RNF138: variants seen among roughly 807,000 people sequenced by gnomAD.
RNF138 encodes ring finger protein 138.
Under a neutral mutation model 31.0 loss-of-function variants are expected in RNF138, and 12 were observed. That is an observed-to-expected ratio of 0.39 (90% CI 0.25 to 0.63). RNF138 has a LOEUF of 0.63. Among genes scored for constraint, RNF138 ranks in the 20% least tolerant of loss-of-function variants. The pLI is 0.52. For synonymous variants in RNF138, 105 were observed against 99.5 expected (o/e 1.06, Z -0.33); for missense variants, 192 against 300.1 (o/e 0.64, Z 2.66).
chr18:32,111,999 G>GTT lies in RNF138; in HGVS notation c.276+93_276+94dup, dbSNP rs368828041. On this transcript the variant is annotated intron_variant, in intron 3 of 7. Transcript: ENST00000261593. ...TCTTATTTGAATTTTCTTGGTTGGT[G>GTT]TTTTTTTTTTTTTTGAAAAGATGAA... 5.0e-3 allele frequency: 4,321 copies of GTT among 866,420 alleles called. 19 individuals carry two copies. The highest frequency in any genetic ancestry group is 0.026 in the African/African-American group (1,403 of 53,846). The allele number at this position is 866,420 out of a possible 1,614,324, so 53.7% of individuals were successfully genotyped here.
chr18:32,119,832 C>T (rs2040275427), intron 4 of RNF138, among the ~76,000 whole-genome samples: 1 of 152,084 alleles, frequency 6.6e-6, no homozygotes, highest in African/African-American at 2.4e-5. Flanking sequence ...TAAAAATGAG[C>T]CCCCTTTTTT....
chr18:32,124,743 T>G lies in RNF138; in HGVS notation c.459T>G (p.Gly153=). The change falls in exon 6 of 8, where the codon GGT becomes GGG. Residue 153 remains glycine, a synonymous_variant. Transcript: ENST00000261593. ...TAAAATTGTTTTATAGTTCTTCTGG[T>G]CATCCTACTTTTAAGTGTCCCCTGT... The part of the protein sequence containing the change: ...ETYQENTSSS[G]HPTFKCPLCQ... 6.5e-7 allele frequency: 1 copy of G among 1,543,356 alleles called. No homozygotes were observed. Among genetic ancestry groups the G allele is most frequent in the Non-Finnish European group, 9.0e-7 (1 of 1,116,176 alleles).
chr18:32,111,418 A>C lies in RNF138; in HGVS notation c.111-336A>C, dbSNP rs186906025. On this transcript the variant is annotated intron_variant, in intron 2 of 7. Coordinates refer to ENST00000261593, the MANE Select transcript of RNF138 (RefSeq NM_016271.5). ...GTTGGCCTAAGATTACACAGCTACT[A>C]AATGGCAGAGCCAGGATCCGGTTTT... Among the ~76,000 whole-genome samples, 9 of 152,356 alleles carry C rather than the reference A, an allele frequency of 5.9e-5. No homozygotes were observed. In the East Asian group the frequency reaches 1.7e-3, roughly 29 times the overall value.
At chr18:32,099,619 G>A (rs932937682) in intron 2 of RNF138, among the ~76,000 whole-genome samples, 3 of 152,100 alleles carry the variant, frequency 2.0e-5, no homozygotes, top group Admixed American at 6.6e-5. Context: ...TGGTCAGGCT[G>A]GTCTCCAACT....
At chr18:32,124,077 T>C (rs1412856080) in intron 5 of RNF138, 4 of 152,612 alleles carry the variant, frequency 2.6e-5, no homozygotes, top group African/African-American at 4.8e-5. Flanking sequence ...TAGAAGAGTT[T>C]AGTTATTCTC....
intron 4 of RNF138, among the ~76,000 whole-genome samples, chr18:32,121,503 G>C (rs2040305465): frequency 6.6e-6 from 1 of 151,908 alleles, no homozygotes; most frequent in African/African-American, 2.4e-5. Context: ...CTCAAAAAAA[G>C]AAAAAAGTTT....
intron 4 of RNF138, 105 bp from the exon 5 acceptor site, chr18:32,123,413 A>G: frequency 1.4e-6 from 1 of 735,460 alleles, no homozygotes; most frequent in South Asian, 3.0e-5. Context: ...TCAGACTTTT[A>G]AAACAAATTC....
rs746675179 is a variant in RNF138 at position 32,130,575 on chromosome 18, A to G, written c.*1388A>G. The stretch of plus-strand genomic sequence containing the variant: ...AAAATAACTAGAAGAACATAAAAGA[A>G]AGAGAATCTCAGAAGTAGTTTGCTG... On this transcript the variant is annotated 3_prime_UTR_variant, in exon 8 of 8. Coordinates refer to ENST00000261593, the MANE Select transcript of RNF138 (RefSeq NM_016271.5). 1.3e-5 allele frequency: 2 copies of G among 152,498 alleles called. No homozygotes were observed. The highest frequency in any genetic ancestry group is 2.9e-5 in the Non-Finnish European group (2 of 67,900). 9.4% of individuals were successfully genotyped at this position (152,498 alleles called of 1,614,324 possible). A position where few individuals can be genotyped will look rare whatever the true frequency, so the allele number is the denominator to read the frequency against.
At position 32,130,667 on chromosome 18, in the gene RNF138, T is replaced by G. The variant is rs1162870243; in HGVS notation, c.*1480T>G. On this transcript the variant is annotated 3_prime_UTR_variant, in exon 8 of 8. Coordinates refer to ENST00000261593, the MANE Select transcript of RNF138 (RefSeq NM_016271.5). ...TTGTTAAAACCCTTGTTGACTTTTC[T>G]ACACTGAACATTTTTTTTAACTTGA... 1 of 152,510 alleles carries G rather than the reference T, an allele frequency of 6.6e-6. No individual in the cohort carries two copies. The highest frequency in any genetic ancestry group is 2.4e-5 in the African/African-American group (1 of 41,470). 9.4% of individuals were successfully genotyped at this position (152,510 alleles called of 1,614,324 possible). A position where few individuals can be genotyped will look rare whatever the true frequency, so the allele number is the denominator to read the frequency against.
chr18:32,128,386 A>ACCCAGCT (rs2040417276), intron 7 of RNF138, among the ~76,000 whole-genome samples: 3 of 152,266 alleles, frequency 2.0e-5, no homozygotes, highest in Admixed American at 1.3e-4. Context: ...AAAGATACAA[A>ACCCAGCT]AATTAGCTGG....
intron 2 of RNF138, among the ~76,000 whole-genome samples, chr18:32,104,602 T>G (rs2039998662): frequency 6.6e-6 from 1 of 151,976 alleles, no homozygotes; most frequent in African/African-American, 2.4e-5. Flanking sequence ...CAGACAAAAA[T>G]CAACAACATA....
At chr18:32,106,713 C>T (rs902782607) in intron 2 of RNF138, among the ~76,000 whole-genome samples, 30 of 151,920 alleles carry the variant, frequency 2.0e-4, no homozygotes, top group East Asian at 5.8e-4. Context: ...TACAGGCGCC[C>T]GTCACCATGC....
rs969479672 is a variant in RNF138, at chr18:32,129,499, T to C, written c.*312T>C. The C allele has an allele frequency of 5.4e-5, 12 of 222,654 alleles. No individual in the cohort carries two copies. Among genetic ancestry groups the C allele is most frequent in the African/African-American group, 2.7e-4 (12 of 44,202 alleles). 13.8% of individuals were successfully genotyped at this position (222,654 alleles called of 1,614,324 possible). A position where few individuals can be genotyped will look rare whatever the true frequency, so the allele number is the denominator to read the frequency against. On this transcript the variant is annotated 3_prime_UTR_variant, in exon 8 of 8. Transcript: ENST00000261593. ...GAATTTTTCATTATTATGTTGCTTTTGAAATTTGATGCATTCCTCCCATTT... is the reference window on the plus strand; with the variant it reads ...GAATTTTTCATTATTATGTTGCTTTCGAAATTTGATGCATTCCTCCCATTT...
intron 6 of RNF138, among the ~76,000 whole-genome samples, chr18:32,125,868 T>A (rs2040375978): frequency 6.6e-6 from 1 of 152,196 alleles, no homozygotes. Flanking sequence ...ACTTTGCTTA[T>A]TAGAATGGGT....
intron 2 of RNF138, among the ~76,000 whole-genome samples, chr18:32,099,737 C>T (rs994771744): frequency 5.3e-5 from 8 of 152,282 alleles, no homozygotes; most frequent in Admixed American, 1.3e-4. Context: ...AGTTTGTAAT[C>T]ATAACATTTT....
At chr18:32,124,914 T>C (rs1214627611) in intron 6 of RNF138, 69 bp downstream of exon 6, 23 of 791,566 alleles carry the variant, frequency 2.9e-5, no homozygotes, top group Non-Finnish European at 2.2e-5. Context: ...TTTCACTTCA[T>C]GTATGCAAGA....
chr18:32,122,848 A>G (rs2040327847), intron 4 of RNF138, among the ~76,000 whole-genome samples: 1 of 152,096 alleles, frequency 6.6e-6, no homozygotes, highest in Non-Finnish European at 1.5e-5. Context: ...TAACTAAATA[A>G]ATAAAATTGA....
At chr18:32,115,363 C>T (rs1271597531) in intron 4 of RNF138, among the ~76,000 whole-genome samples, 1 of 152,292 alleles carries the variant, frequency 6.6e-6, no homozygotes, top group South Asian at 2.1e-4. Flanking sequence ...ATCTCTCACT[C>T]GAACTATGAT....
intron 2 of RNF138, among the ~76,000 whole-genome samples, chr18:32,110,525 A>G (rs188163098): frequency 4.5e-4 from 69 of 152,306 alleles, no homozygotes; most frequent in African/African-American, 1.5e-3. Flanking sequence ...AAAGTGCTGC[A>G]TAGTTAGGAA....
Sources: gnomAD v4.1 joint callset for allele counts (sites outside exome capture counted in the v4.1 genomes callset) on GRCh38, gnomAD v4.1.1 for gene constraint, MANE v1.5 for transcripts, NCBI Gene and HGNC (gene_info 2026-07-23, HGNC 2026-07-21) for gene names.